DFFA: variants seen among roughly 807,000 people sequenced by gnomAD.
The protein encoded by DFFA is DFF45.
In DFFA, 14 loss-of-function variants were observed where a neutral mutation model predicts 28.0. The observed-to-expected ratio is 0.50, with a 90% CI of 0.33 to 0.78. The LOEUF (loss-of-function observed/expected upper bound fraction) is 0.78. Ranked by LOEUF, DFFA falls within the 30% of genes least tolerant of loss-of-function variation. DFFA has a pLI of 0.02. For missense variants in DFFA, 395 were observed against 407.1 expected, an observed-to-expected ratio of 0.97 and a Z score of 0.26; for synonymous variants, 158 against 170.3, an observed-to-expected ratio of 0.93 and a Z score of 0.56.
rs1392800129 is a variant in DFFA, at chr1:10,458,060, C to T, written c.*3430G>A. ...TGGATTTCCTAGGAATGTAGCTACT[C>T]TGTAAATCAAGGACAGACACGTTTA... On this transcript the variant is annotated 3_prime_UTR_variant, in exon 6 of 6. Coordinates refer to ENST00000377038, the MANE Select transcript of DFFA (RefSeq NM_004401.3). The T allele has an allele frequency of 6.6e-6, 1 of 152,156 alleles. No homozygotes were observed. The highest frequency in any genetic ancestry group is 1.9e-4 in the East Asian group (1 of 5,194). The allele number at this position is 152,156 out of a possible 1,614,324, so 9.4% of individuals were successfully genotyped here.
chr1:10,470,091 G>A (rs1375978468), intron 1 of DFFA, among the ~76,000 whole-genome samples: 3 of 152,124 alleles, frequency 2.0e-5, no homozygotes, highest in Non-Finnish European at 4.4e-5. Flanking sequence ...TAGGATTACA[G>A]GCATGAGCAA....
At chr1:10,471,264 C>T (rs1020780635) in intron 1 of DFFA, among the ~76,000 whole-genome samples, 55 of 151,962 alleles carry the variant, frequency 3.6e-4, no homozygotes, top group Admixed American at 3.2e-3. Flanking sequence ...CAAATACTAA[C>T]GGGACTGGAG....
Position 10,467,401 on chromosome 1 carries a change from C to T in DFFA, c.299-69G>A. On this transcript the variant is annotated intron_variant, in intron 2 of 5. Coordinates refer to ENST00000377038, the MANE Select transcript of DFFA (RefSeq NM_004401.3). Reference sequence around the variant, plus strand: ...GCTGTTTTCACCTCCTCCCCCAGCACACACAGACCTCTTGAGGATCTAGAT... The same window carrying T: ...GCTGTTTTCACCTCCTCCCCCAGCATACACAGACCTCTTGAGGATCTAGAT... The T allele has an allele frequency of 8.5e-6, 13 of 1,531,084 alleles. No individual in the cohort carries two copies. In the South Asian group the frequency reaches 1.5e-4, roughly 17 times the overall value. 94.8% of individuals were successfully genotyped at this position (1,531,084 alleles called of 1,614,324 possible).
At chr1:10,471,959 C>A (rs1053598570) in intron 1 of DFFA, among the ~76,000 whole-genome samples, 13 of 152,180 alleles carry the variant, frequency 8.5e-5, no homozygotes, top group Non-Finnish European at 1.9e-4. Flanking sequence ...CCTCCCCACA[C>A]CGCCGTGGGC....
At chr1:10,468,470 G>A (rs1208618017) in intron 2 of DFFA, among the ~76,000 whole-genome samples, 3 of 151,466 alleles carry the variant, frequency 2.0e-5, no homozygotes. Context: ...AGCCCCAAAT[G>A]TCAGCAGTGT....
intron 5 of DFFA, chr1:10,462,651 T>C: frequency 8.8e-6 from 9 of 1,018,776 alleles, no homozygotes; most frequent in Non-Finnish European, 1.1e-5. Context: ...AGTTTTTAGC[T>C]CCCTGGTCTT....
At chr1:10,465,028 G>A (rs1195738362) in intron 3 of DFFA, among the ~76,000 whole-genome samples, 1 of 152,192 alleles carries the variant, frequency 6.6e-6, no homozygotes, top group Non-Finnish European at 1.5e-5. Context: ...AGGGTGGGAG[G>A]ACTGCCTGAG....
intron 3 of DFFA, among the ~76,000 whole-genome samples, chr1:10,465,155 C>T (rs574290933): frequency 3.9e-5 from 6 of 152,280 alleles, no homozygotes; most frequent in African/African-American, 1.4e-4. Flanking sequence ...AGTGCAATGA[C>T]GTGATCTCGG....
In DFFA at chr1:10,471,732, G is replaced by A. The variant is rs1641100945; in HGVS notation, c.136+591C>T. On this transcript the variant is annotated intron_variant, in intron 1 of 5. Transcript: ENST00000377038. ...AGAACCAACAACCCTTTGAAGCAGGGCTATAAATATTATACCCAATTTGCT... is the reference window on the plus strand; with the variant it reads ...AGAACCAACAACCCTTTGAAGCAGGACTATAAATATTATACCCAATTTGCT... Among the ~76,000 whole-genome samples, 7 of 152,164 alleles carry A rather than the reference G, an allele frequency of 4.6e-5. No homozygotes were observed. In the South Asian group the frequency reaches 1.4e-3, roughly 31 times the overall value.
Position 10,467,255 on chromosome 1 carries a change from T to G in DFFA, c.376A>C (p.Asn126His). The change falls in exon 3 of 6, where the codon AAT becomes CAT. Residue 126 changes from asparagine (N) to histidine (H), a missense_variant. Transcript: ENST00000377038. ...TDSGAGLKWKNVARQLKEDLS... is the reference protein window; with the variant it reads ...TDSGAGLKWKHVARQLKEDLS... Reference sequence around the variant, plus strand: ...TCTTCTTTCAGCTGCCTGGCCACATTCTTCCACTTCAACCCTGCCCCGCTG... The same window carrying G: ...TCTTCTTTCAGCTGCCTGGCCACATGCTTCCACTTCAACCCTGCCCCGCTG... The G allele has an allele frequency of 6.2e-7, 1 of 1,614,146 alleles. No individual in the cohort carries two copies. The highest frequency in any genetic ancestry group is 8.5e-7 in the Non-Finnish European group (1 of 1,180,026).
At chr1:10,462,505 C>T (rs139956763) in intron 5 of DFFA, 23 of 989,952 alleles carry the variant, frequency 2.3e-5, no homozygotes, top group Non-Finnish European at 2.5e-5. Context: ...ACTCTAAGGT[C>T]CTCCACCTTC....
At position 10,463,225 on chromosome 1, in the gene DFFA, G is replaced by A. The variant is rs1280100709; in HGVS notation, c.632-16C>T. On this transcript the variant is annotated splice_polypyrimidine_tract_variant and intron_variant, in intron 4 of 5. Transcript: ENST00000377038. ...GCTTTGGACTCTGCAAAGGAGACAC[G>A]AGACAGAGATCAGACGTGGTGTGAC... is the stretch of plus-strand genomic sequence containing the variant. 11 of 1,611,494 alleles carry A rather than the reference G, an allele frequency of 6.8e-6. No individual in the cohort carries two copies. Among genetic ancestry groups the A allele is most frequent in the African/African-American group, 2.7e-5 (2 of 74,898 alleles).
intron 5 of DFFA, chr1:10,462,634 T>C: frequency 9.8e-7 from 1 of 1,016,394 alleles, no homozygotes; most frequent in Non-Finnish European, 1.2e-6. Context: ...GCAGGTTCCC[T>C]TCCTCAAGTT....
chr1:10,461,558 A>T lies in DFFA; in HGVS notation c.928T>A (p.Ser310Thr), dbSNP rs749025715. ...TQSLHSLRSI[S>T]ASKASPPGDL... Reference sequence around the variant, plus strand: ...CCAGGTGGTGAGGCCTTGCTTGCTGAGATGCTCCGGAGAGAATGCAAGCTC... The same window carrying T: ...CCAGGTGGTGAGGCCTTGCTTGCTGTGATGCTCCGGAGAGAATGCAAGCTC... Residue 310 changes from serine to threonine, a missense_variant, in exon 6 of 6, where the codon TCA becomes ACA. By Grantham distance (58) the Ser-to-Thr change is moderately conservative. Coordinates refer to ENST00000377038, the MANE Select transcript of DFFA (RefSeq NM_004401.3). The T allele has an allele frequency of 1.1e-5, 17 of 1,614,070 alleles. No individual in the cohort carries two copies. The South Asian group carries it at 1.4e-4, about 14-fold the overall frequency.
In DFFA at chr1:10,467,339, C is replaced by T; in HGVS notation, c.299-7G>A. The T allele has an allele frequency of 6.2e-7, 1 of 1,614,134 alleles. No homozygotes were observed. The highest frequency in any genetic ancestry group is 8.5e-7 in the Non-Finnish European group (1 of 1,180,016). On this transcript the variant is annotated splice_region_variant and splice_polypyrimidine_tract_variant and intron_variant, in intron 2 of 5. Coordinates refer to ENST00000377038, the MANE Select transcript of DFFA (RefSeq NM_004401.3). ...ATCCAAGCTGTACCTCCATCTGACA[C>T]ATGGGAGAAAATGCCAGTCACAGAA...
At position 10,464,165 on chromosome 1, in the gene DFFA, T is replaced by A. The variant is rs182165288; in HGVS notation, c.442-545A>T. On this transcript the variant is annotated intron_variant, in intron 3 of 5. Transcript: ENST00000377038. ...TGGAGTGCAGTGGCACGATCTCGGCTCACTGCAAGCTCCGCCTCCTGGGTT... is the reference window on the plus strand; with the variant it reads ...TGGAGTGCAGTGGCACGATCTCGGCACACTGCAAGCTCCGCCTCCTGGGTT... 2.4e-3 allele frequency among the ~76,000 whole-genome samples: 357 copies of A among 151,818 alleles called. 1 individual carries two copies. Among genetic ancestry groups the A allele is most frequent in the African/African-American group, 8.2e-3 (339 of 41,392 alleles).
Position 10,463,090 on chromosome 1 carries a change from G to T in DFFA, c.751C>A (p.Pro251Thr), listed in dbSNP as rs1640970855. 1 of 1,613,926 alleles carries T rather than the reference G, an allele frequency of 6.2e-7. No individual in the cohort carries two copies. The highest frequency in any genetic ancestry group is 1.3e-5 in the African/African-American group (1 of 74,856). ...TCCTGACTAGATAAGCTCAGCTCTG[G>T]AGCCTGCTTCTCCCTCAGTGCAGTA... ...ILTALREKQA[P>T]ELSLSSQDLE... The change falls in exon 5 of 6, where the codon CCA (proline) becomes ACA (threonine). Residue 251 changes from proline to threonine, a missense_variant. Physicochemically the swap from Pro to Thr is conservative, Grantham distance 38. Coordinates refer to ENST00000377038, the MANE Select transcript of DFFA (RefSeq NM_004401.3).
At chr1:10,470,852 G>A (rs1016322872) in intron 1 of DFFA, among the ~76,000 whole-genome samples, 4 of 150,412 alleles carry the variant, frequency 2.7e-5, no homozygotes, top group African/African-American at 9.7e-5. Context: ...TCACAAAGCA[G>A]GCAATCGAGA....
chr1:10,468,717 A>C (rs1184243382), intron 2 of DFFA, among the ~76,000 whole-genome samples: 2 of 150,646 alleles, frequency 1.3e-5, no homozygotes, highest in Admixed American at 6.6e-5. Context: ...TTAGTTGAGA[A>C]CTGGGCCCAT....
Sources: gnomAD v4.1 joint callset for allele counts (sites outside exome capture counted in the v4.1 genomes callset) on GRCh38, gnomAD v4.1.1 for gene constraint, MANE v1.5 for transcripts, NCBI Gene and HGNC (gene_info 2026-07-23, HGNC 2026-07-21) for gene names.